Variants in BICD2 observed in about 807,000 individuals in gnomAD.
BICD2 encodes protein bicaudal D homolog 2.
In BICD2, 25 loss-of-function variants were observed where a neutral mutation model predicts 72.9. The observed-to-expected ratio is 0.34, with a 90% CI of 0.25 to 0.48. The LOEUF (loss-of-function observed/expected upper bound fraction) is 0.48. Ranked by LOEUF, BICD2 falls within the 20% of genes least tolerant of loss-of-function variation. BICD2 has a pLI of 0.99. For synonymous variants in BICD2, 501 were observed against 516.1 expected, an observed-to-expected ratio of 0.97 and a Z score of 0.40; for missense variants, 894 against 1,175.2, an observed-to-expected ratio of 0.76 and a Z score of 3.50.
chr9:92,720,493 G>A lies in BICD2; in HGVS notation c.869C>T (p.Ala290Val). Residue 290 changes from alanine to valine, a missense_variant, in exon 4 of 7, where the codon GCC becomes GTC. Physicochemically the swap from Ala to Val is moderately conservative, Grantham distance 64. Coordinates refer to ENST00000356884, the MANE Select transcript of BICD2 (RefSeq NM_001003800.2). This position sits in a 1 kb window ranked among gnomAD's most constrained non-coding sequence, Gnocchi z 5.4. ...LDGLKFSDDA[A>V]EPNNDAEALV... ...GGCCTCGGCATCGTTGTTGGGCTCG[G>A]CAGCATCGTCACTGAACTTGAGGCC... 1.2e-6 allele frequency: 2 copies of A among 1,614,218 alleles called. No homozygotes were observed. Among genetic ancestry groups the A allele is most frequent in the Non-Finnish European group, 8.5e-7 (1 of 1,180,042 alleles).
At chr9:92,752,179 G>A (rs1358644955) in intron 1 of BICD2, among the ~76,000 whole-genome samples, 1 of 152,126 alleles carries the variant, frequency 6.6e-6, no homozygotes, top group Admixed American at 6.5e-5. Context: ...CACCCTAATA[G>A]CAATGAGCAC....
chr9:92,750,666 T>C (rs1208366901), intron 1 of BICD2, among the ~76,000 whole-genome samples: 1 of 152,102 alleles, frequency 6.6e-6, no homozygotes, highest in Non-Finnish European at 1.5e-5. Context: ...CATAGGGTTT[T>C]TTTTTTAAGG....
At position 92,717,904 on chromosome 9, in the gene BICD2, A is replaced by G. The variant is rs763445408; in HGVS notation, c.2151T>C (p.Asn717=). The G allele has an allele frequency of 6.2e-7, 1 of 1,613,640 alleles. No homozygotes were observed. Among genetic ancestry groups the G allele is most frequent in the Non-Finnish European group, 8.5e-7 (1 of 1,180,006 alleles). Residue 717 remains asparagine, a synonymous_variant, in exon 6 of 7, where the codon AAT becomes AAC. Coordinates refer to ENST00000356884, the MANE Select transcript of BICD2 (RefSeq NM_001003800.2). ...TGGTCTCGGTAACCATGGCCTTCTCATTCTCATACTTGCTCTTCAGGTTGG... is the reference window on the plus strand; with the variant it reads ...TGGTCTCGGTAACCATGGCCTTCTCGTTCTCATACTTGCTCTTCAGGTTGG... ...ALANLKSKYE[N]EKAMVTETMM...
Position 92,720,893 on chromosome 9 carries a change from CTGGG to C in BICD2, c.607-142_607-139del. 6.5e-6 allele frequency: 6 copies of C among 923,102 alleles called. No homozygotes were observed. The highest frequency in any genetic ancestry group is 9.6e-6 in the Non-Finnish European group (6 of 628,180). The allele number at this position is 923,102 out of a possible 1,614,324, so 57.2% of individuals were successfully genotyped here. ...ATGAAGCGCCAGGTGAGGTGCCATCCTGGGAAGGGTGGCAGCCCGTCCAGGCCAA... is the reference window on the plus strand; with the variant it reads ...ATGAAGCGCCAGGTGAGGTGCCATCCAAGGGTGGCAGCCCGTCCAGGCCAA... On this transcript the variant is annotated intron_variant, in intron 3 of 6. Coordinates refer to ENST00000356884, the MANE Select transcript of BICD2 (RefSeq NM_001003800.2). The surrounding 1 kb of genome is among the most constrained non-coding windows in gnomAD (Gnocchi z 5.4).
chr9:92,764,634 C>T lies in BICD2; in HGVS notation c.111G>A (p.Thr37=). The change falls in exon 1 of 7, where the codon ACG becomes ACA. Residue 37 remains threonine, a synonymous_variant. Coordinates refer to ENST00000356884, the MANE Select transcript of BICD2 (RefSeq NM_001003800.2). This position sits in a 1 kb window ranked among gnomAD's most constrained non-coding sequence, Gnocchi z 5.5. The stretch of plus-strand genomic sequence containing the variant: ...ACTCGGCCGCCTGGATCTTCTCACG[C>T]GTGGTCTCGGCCAGCTCGTGGGACA... ...KRLSHELAET[T]REKIQAAEYG... is the part of the protein sequence containing the mutation. 1.3e-6 allele frequency: 2 copies of T among 1,594,732 alleles called. No individual in the cohort carries two copies. Among genetic ancestry groups the T allele is most frequent in the Non-Finnish European group, 1.7e-6 (2 of 1,172,118 alleles).
At chr9:92,747,494 A>G (rs1854038311) in intron 1 of BICD2, among the ~76,000 whole-genome samples, 1 of 152,120 alleles carries the variant, frequency 6.6e-6, no homozygotes, top group Non-Finnish European at 1.5e-5. Context: ...GGCTCAGGAC[A>G]GGGGGGTCAC....
intron 1 of BICD2, among the ~76,000 whole-genome samples, chr9:92,753,031 CAA>C (rs766650423): frequency 2.6e-5 from 4 of 152,140 alleles, no homozygotes. Context: ...GTCATGCTGA[CAA>C]TACACACTCT....
rs565505607 is a variant in BICD2, at chr9:92,734,158, G to A, written c.241-4922C>T. ...ACACACAAAAGAGTATATGTTGTGC[G>A]ATTCTGTTTATATATAAACTTCCAT... On this transcript the variant is annotated intron_variant, in intron 1 of 6. Transcript: ENST00000356884. 6.6e-5 allele frequency among the ~76,000 whole-genome samples: 10 copies of A among 152,294 alleles called. No individual in the cohort carries two copies. In the South Asian group the frequency reaches 1.9e-3, roughly 28 times the overall value.
intron 2 of BICD2, among the ~76,000 whole-genome samples, chr9:92,725,687 C>T (rs1045184299): frequency 3.9e-5 from 6 of 152,236 alleles, no homozygotes; most frequent in South Asian, 4.1e-4. Context: ...ATCCCCACAC[C>T]TCAGACTGCT....
intron 6 of BICD2, among the ~76,000 whole-genome samples, chr9:92,716,756 C>T (rs1853323266): frequency 6.6e-6 from 1 of 152,232 alleles, no homozygotes; most frequent in South Asian, 2.1e-4. Context: ...GAAACCAGGA[C>T]CTGCCCCACA....
chr9:92,723,562 G>A (rs1160673286), intron 2 of BICD2, among the ~76,000 whole-genome samples: 1 of 152,236 alleles, frequency 6.6e-6, no homozygotes, highest in African/African-American at 2.4e-5. Flanking sequence ...AGCTGGGGAG[G>A]GGGATGGGGA....
chr9:92,738,112 G>A (rs982681806), intron 1 of BICD2, among the ~76,000 whole-genome samples: 8 of 152,224 alleles, frequency 5.3e-5, no homozygotes, highest in African/African-American at 1.9e-4. Flanking sequence ...CTGGGCCCAC[G>A]TCCTGGCTCT....
chr9:92,721,039 G>A (rs1180192830), intron 3 of BICD2, among the ~76,000 whole-genome samples: 2 of 152,190 alleles, frequency 1.3e-5, no homozygotes, highest in Non-Finnish European at 2.9e-5. Flanking sequence ...ACACAGCAAG[G>A]GGAGCACAAA....
chr9:92,757,272 CCACTG>C (rs1347246992), intron 1 of BICD2, among the ~76,000 whole-genome samples: 1 of 143,636 alleles, frequency 7.0e-6, no homozygotes, highest in Non-Finnish European at 1.5e-5. Flanking sequence ...CAAGATCACG[CCACTG>C]CACTCCAGCC....
intron 1 of BICD2, among the ~76,000 whole-genome samples, chr9:92,747,265 G>T (rs902931027): frequency 1.3e-5 from 2 of 152,210 alleles, no homozygotes; most frequent in African/African-American, 4.8e-5. Flanking sequence ...GCAGCCACAG[G>T]CCTGACCCCC....
intron 6 of BICD2, among the ~76,000 whole-genome samples, chr9:92,715,937 G>C (rs1264416255): frequency 6.6e-6 from 1 of 152,186 alleles, no homozygotes; most frequent in East Asian, 1.9e-4. Context: ...CAAGGTCGAT[G>C]CTTCGTCAGT....
At chr9:92,727,050 C>A (rs1853581342) in intron 2 of BICD2, among the ~76,000 whole-genome samples, 1 of 152,138 alleles carries the variant, frequency 6.6e-6, no homozygotes, top group African/African-American at 2.4e-5. Context: ...ATACACACAG[C>A]CCCTCCTCCC....
At chr9:92,730,912 A>T (rs552403473) in intron 1 of BICD2, among the ~76,000 whole-genome samples, 1 of 152,230 alleles carries the variant, frequency 6.6e-6, no homozygotes, top group African/African-American at 2.4e-5. Context: ...CTTCAAGGCA[A>T]TCGGGTCAGC....
intron 4 of BICD2, 117 bp from the exon 5 acceptor site, chr9:92,719,699 C>T: frequency 8.9e-7 from 1 of 1,121,416 alleles, no homozygotes; most frequent in African/African-American, 1.6e-5. Flanking sequence ...CTGTCAGCCC[C>T]AGGTTCCTTG....
Sources: allele counts gnomAD v4.1 joint callset (sites outside exome capture counted in the v4.1 genomes callset), GRCh38; gene constraint gnomAD v4.1.1; non-coding constraint Gnocchi (gnomAD v3.1); transcripts MANE v1.5; gene names NCBI Gene and HGNC (gene_info 2026-07-23, HGNC 2026-07-21).